PFKP: variants seen among roughly 807,000 people sequenced by gnomAD.
The protein encoded by PFKP is ATP-dependent 6-phosphofructokinase, platelet type.
A neutral mutation model predicts 94.3 loss-of-function variants in PFKP; 101 were observed. The ratio of observed to expected loss-of-function variants is 1.07; its 90% confidence interval spans 0.91 to 1.26. PFKP has a LOEUF of 1.26. PFKP is among the 50% of genes most tolerant of loss of function. The pLI is 0.00. For synonymous variants in PFKP, 573 were observed against 432.6 expected (o/e 1.32, Z -4.03); for missense variants, 1,145 against 1,103.3 (o/e 1.04, Z -0.53).
chr10:3,125,210 A>G, intron 16 of PFKP: 1 of 1,346,670 alleles, frequency 7.4e-7, no homozygotes, highest in Non-Finnish European at 9.9e-7. Context: ...GCACAGAAAT[A>G]AGCCTGGGCT....
intron 2 of PFKP, among the ~76,000 whole-genome samples, chr10:3,095,601 T>C (rs887404008): frequency 6.6e-6 from 1 of 152,212 alleles, no homozygotes; most frequent in African/African-American, 2.4e-5. Context: ...GTTTTTCCTA[T>C]GTGAGTCATA....
chr10:3,129,778 C>CGGGCCT (rs755089074), intron 16 of PFKP, 41 bp from the exon 17 acceptor site: 2 of 1,606,710 alleles, frequency 1.2e-6, no homozygotes, highest in African/African-American at 2.7e-5. Context: ...GGGCGCGCCC[C>CGGGCCT]GGGCCTGGGC....
chr10:3,079,576 T>C (rs1832868145), intron 1 of PFKP, among the ~76,000 whole-genome samples: 1 of 150,726 alleles, frequency 6.6e-6, no homozygotes, highest in Non-Finnish European at 1.5e-5. Flanking sequence ...TTCTATGTCT[T>C]TCCACTTAAC....
chr10:3,103,982 G>A (rs957287375), intron 5 of PFKP, 38 bp downstream of exon 5: 1 of 1,598,092 alleles, frequency 6.3e-7, no homozygotes, highest in African/African-American at 1.3e-5. Context: ...GGCCAGTGGG[G>A]CCCGACGTGT....
chr10:3,119,843 T>C (rs1338306926), intron 15 of PFKP, 49 bp from the exon 16 acceptor site: 1 of 1,595,812 alleles, frequency 6.3e-7, no homozygotes, highest in Admixed American at 1.7e-5. Context: ...CGAGACCCTC[T>C]CCTCCCCAGC....
chr10:3,135,710 T>A, intron 20 of PFKP, 26 bp from the exon 21 acceptor site: 1 of 1,418,032 alleles, frequency 7.1e-7, no homozygotes, highest in Non-Finnish European at 1.0e-6. Context: ...CAGGGTGTTA[T>A]TAATCTTTTT....
At chr10:3,100,862 CAAAAAAA>C (rs71294492) in intron 3 of PFKP, 385 of 656,706 alleles carry the variant, frequency 5.9e-4, no homozygotes, top group African/African-American at 2.7e-3. Context: ...GTATGTGGTG[CAAAAAAA>C]AAAAAAAAAA....
At chr10:3,115,370 TC>T (rs1477014056) in intron 13 of PFKP, among the ~76,000 whole-genome samples, 1 of 57,300 alleles carries the variant, frequency 1.7e-5, no homozygotes, top group Non-Finnish European at 5.3e-5. Flanking sequence ...AAGGTGTGTG[TC>T]CCGCAGCTGA....
At chr10:3,100,788 C>G in intron 3 of PFKP, 1 of 585,482 alleles carries the variant, frequency 1.7e-6, no homozygotes, top group East Asian at 2.7e-5. Flanking sequence ...GATCTATGTC[C>G]CCTGGAAGTT....
intron 1 of PFKP, among the ~76,000 whole-genome samples, chr10:3,081,378 C>T (rs1379754389): frequency 6.6e-6 from 1 of 152,254 alleles, no homozygotes; most frequent in Non-Finnish European, 1.5e-5. Flanking sequence ...TGACTGGAAA[C>T]ATCACTGGCT....
intron 7 of PFKP, among the ~76,000 whole-genome samples, chr10:3,106,413 G>A (rs2131568000): frequency 7.0e-6 from 1 of 141,914 alleles, no homozygotes; most frequent in East Asian, 2.1e-4. Context: ...AGCATGGCGT[G>A]CACGGGGCGC....
At chr10:3,133,425 T>A in intron 19 of PFKP, 111 bp downstream of exon 19, 1 of 767,658 alleles carries the variant, frequency 1.3e-6, no homozygotes, top group African/African-American at 1.7e-5. Context: ...AATTCCAAGA[T>A]GATAAAAAAC....
chr10:3,110,917 T>TATGC (rs201325970), intron 10 of PFKP, among the ~76,000 whole-genome samples: 2,411 of 152,198 alleles, frequency 0.016, 64 homozygotes, highest in African/African-American at 0.055. Context: ...TGCATGTTTG[T>TATGC]ACGTGTGTGC....
chr10:3,112,989 C>A, intron 11 of PFKP, 130 bp from the exon 12 acceptor site: 1 of 783,476 alleles, frequency 1.3e-6, no homozygotes, highest in Non-Finnish European at 2.1e-6. Context: ...AACCCTGGGG[C>A]CTCCTCCTTC....
chr10:3,109,498 G>T lies in PFKP; in HGVS notation c.1089+18G>T. 6.2e-7 allele frequency: 1 copy of T among 1,600,788 alleles called. No individual in the cohort carries two copies. On this transcript the variant is annotated intron_variant, in intron 10 of 21. Coordinates refer to ENST00000381125, the MANE Select transcript of PFKP (RefSeq NM_002627.5). ...TGCAGATGGTGAGTGGGCAGCCCAT[G>T]GCCAAGGGCAGGGCGGAGACGGCTG...
chr10:3,100,056 G>A (rs542595350), intron 3 of PFKP, among the ~76,000 whole-genome samples: 1 of 137,744 alleles, frequency 7.3e-6, no homozygotes, highest in Non-Finnish European at 1.5e-5. Context: ...GTAGGTGTGT[G>A]GTGTGTGTGT....
chr10:3,100,056 G>GGTGTGTGT (rs55739223), intron 3 of PFKP, among the ~76,000 whole-genome samples: 1,942 of 137,762 alleles, frequency 0.014, 10 homozygotes, highest in African/African-American at 0.025. Flanking sequence ...GTAGGTGTGT[G>GGTGTGTGT]GTGTGTGTGT....
chr10:3,122,558 A>T (rs939301892), intron 16 of PFKP, among the ~76,000 whole-genome samples: 1 of 152,170 alleles, frequency 6.6e-6, no homozygotes, highest in African/African-American at 2.4e-5. Flanking sequence ...CGTCCTCAGG[A>T]AATCAGGGTG....
intron 16 of PFKP, among the ~76,000 whole-genome samples, chr10:3,126,416 G>A (rs1837952769): frequency 2.0e-5 from 3 of 152,312 alleles, no homozygotes; most frequent in Admixed American, 6.5e-5. Context: ...ATTAGGGTCC[G>A]GCCATCGCTG....
Sources: allele counts gnomAD v4.1 joint callset (sites outside exome capture counted in the v4.1 genomes callset), GRCh38; gene constraint gnomAD v4.1.1; transcripts MANE v1.5; gene names NCBI Gene and HGNC (gene_info 2026-07-23, HGNC 2026-07-21).